The following PARD3 variants were observed in gnomAD, a reference collection of about 807,000 sequenced individuals.
The protein encoded by PARD3 is par-3 family cell polarity regulator.
A neutral mutation model predicts 155.4 loss-of-function variants in PARD3; 75 were observed. The ratio of observed to expected loss-of-function variants is 0.48; its 90% CI spans 0.40 to 0.58. The LOEUF (loss-of-function observed/expected upper bound fraction) is 0.58. PARD3 is among the 20% of genes least tolerant of loss of function. PARD3 has a pLI of 0.00. For missense variants in PARD3, 1,642 were observed against 1,721.7 expected, an observed-to-expected ratio of 0.95 and a Z score of 0.82; for synonymous variants, 576 against 610.5, an observed-to-expected ratio of 0.94 and a Z score of 0.83.
At chr10:34,211,555 A>G (rs68010167) in intron 22 of PARD3, among the ~76,000 whole-genome samples, 5,500 of 152,280 alleles carry the variant, frequency 0.036, 124 homozygotes, top group Non-Finnish European at 0.041. Flanking sequence ...GCCGAGGCAG[A>G]CGGATCACTT....
At chr10:34,509,240 T>C (rs2081264247) in intron 3 of PARD3, among the ~76,000 whole-genome samples, 1 of 152,132 alleles carries the variant, frequency 6.6e-6, no homozygotes, top group Admixed American at 6.6e-5. Flanking sequence ...TGCATCTACC[T>C]GGGAGCATGC....
intron 5 of PARD3, among the ~76,000 whole-genome samples, chr10:34,432,041 C>CAAAAAAAAAAAAAAAAAAA (rs142848273): frequency 2.8e-4 from 6 of 21,590 alleles, no homozygotes; most frequent in African/African-American, 4.9e-4. Context: ...GACTCTGTCT[C>CAAAAAAAAAAAAAAAAAAA]AAAAAAAAAA....
At chr10:34,614,226 G>A (rs1378077016) in intron 2 of PARD3, among the ~76,000 whole-genome samples, 1 of 152,194 alleles carries the variant, frequency 6.6e-6, no homozygotes, top group East Asian at 1.9e-4. Flanking sequence ...CGCTACATGG[G>A]ATGAAGGACT....
At chr10:34,246,644 C>T (rs943840615) in intron 22 of PARD3, among the ~76,000 whole-genome samples, 2 of 149,368 alleles carry the variant, frequency 1.3e-5, no homozygotes, top group Non-Finnish European at 1.5e-5. Flanking sequence ...AGGGAAAATC[C>T]TATAAGCCCA....
At chr10:34,795,576 C>T (rs1353026082) in intron 1 of PARD3, among the ~76,000 whole-genome samples, 1 of 152,068 alleles carries the variant, frequency 6.6e-6, no homozygotes, top group Non-Finnish European at 1.5e-5. Context: ...CACCACTGTA[C>T]TCCAGCCTGG....
chr10:34,374,932 T>C lies in PARD3; in HGVS notation c.1610A>G (p.Glu537Gly). ...VVSLLRSTKMEGTVSLLVFRQ... is the reference protein window; with the variant it reads ...VVSLLRSTKMGGTVSLLVFRQ... ...AAAGACCAGAAGGCTCACAGTTCCT[T>C]CCATCTTGGTGCTTCTCAACAGCGA... Residue 537 changes from glutamate to glycine, a missense_variant, in exon 11 of 25, where the codon GAA becomes GGA. Glu to Gly is a moderately conservative substitution (Grantham distance 98, BLOSUM62 -2). Coordinates refer to ENST00000374788, the MANE Select transcript of PARD3 (RefSeq NM_001184785.2). 1 of 1,613,920 alleles carries C rather than the reference T, an allele frequency of 6.2e-7. No individual in the cohort carries two copies. Among genetic ancestry groups the C allele is most frequent in the Non-Finnish European group, 8.5e-7 (1 of 1,179,852 alleles).
Position 34,110,563 on chromosome 10 carries a change from C to T in PARD3, c.*606G>A, listed in dbSNP as rs1050488305. On this transcript the variant is annotated 3_prime_UTR_variant, in exon 25 of 25. Coordinates refer to ENST00000374788, the MANE Select transcript of PARD3 (RefSeq NM_001184785.2). ...GTCATAAGGCAGTTACAAAAGGACC[C>T]CCATGGTGACCAAACAATGTTGGAC... is the stretch of plus-strand genomic sequence containing the variant. The T allele has an allele frequency of 6.6e-6, 1 of 152,146 alleles. No homozygotes were observed. The highest frequency in any genetic ancestry group is 1.5e-5 in the Non-Finnish European group (1 of 68,092). The allele number at this position is 152,146 out of a possible 1,614,324, so 9.4% of individuals were successfully genotyped here.
rs531182885 is a variant in PARD3, at chr10:34,765,409, G to C, written c.120+49467C>G. Among the ~76,000 whole-genome samples the C allele has an allele frequency of 2.0e-5, 3 of 152,114 alleles. No individual in the cohort carries two copies. In the South Asian group the frequency reaches 6.2e-4, roughly 32 times the overall value. ...TTGGGCTTCTTCGGCCAGGTGCAGT[G>C]GCTCACACCTGTAATCCCAGCACTT... is the stretch of plus-strand genomic sequence containing the variant. On this transcript the variant is annotated intron_variant, in intron 1 of 24. Coordinates refer to ENST00000374788, the MANE Select transcript of PARD3 (RefSeq NM_001184785.2).
intron 1 of PARD3, among the ~76,000 whole-genome samples, chr10:34,737,209 AGTCG>A (rs757836287): frequency 6.7e-6 from 1 of 148,894 alleles, no homozygotes. Context: ...TTGAGCAAAT[AGTCG>A]GTGAGGTCAA....
intron 20 of PARD3, among the ~76,000 whole-genome samples, chr10:34,290,056 G>A (rs1417945053): frequency 6.6e-6 from 1 of 152,074 alleles, no homozygotes; most frequent in Non-Finnish European, 1.5e-5. Flanking sequence ...AATTCTCTCT[G>A]CAGTATGAAT....
chr10:34,449,965 T>G (rs998552750), intron 5 of PARD3, among the ~76,000 whole-genome samples: 2 of 152,230 alleles, frequency 1.3e-5, no homozygotes, highest in Non-Finnish European at 2.9e-5. Flanking sequence ...TTCAGATCCT[T>G]GGACTTACTG....
At chr10:34,692,704 T>C (rs974946404) in intron 2 of PARD3, among the ~76,000 whole-genome samples, 3 of 151,964 alleles carry the variant, frequency 2.0e-5, no homozygotes, top group East Asian at 1.9e-4. Context: ...ACAAAACCCA[T>C]ATCTACTAAA....
At position 34,320,439 on chromosome 10, in the gene PARD3, T is replaced by C. The variant is rs146181467; in HGVS notation, c.2834-3101A>G. On this transcript the variant is annotated intron_variant, in intron 19 of 24. Transcript: ENST00000374788. ...AAATGAGCTCAATAAATGTAAATGATTTAGTCTTCCACAGCAACCATTATC... is the reference window on the plus strand; with the variant it reads ...AAATGAGCTCAATAAATGTAAATGACTTAGTCTTCCACAGCAACCATTATC... Among the ~76,000 whole-genome samples, 253 of 152,338 alleles carry C rather than the reference T, an allele frequency of 1.7e-3. 1 individual carries two copies. The highest frequency in any genetic ancestry group is 5.5e-3 in the African/African-American group (229 of 41,574).
chr10:34,583,375 T>C (rs1453196494), intron 2 of PARD3, among the ~76,000 whole-genome samples: 2 of 152,168 alleles, frequency 1.3e-5, no homozygotes, highest in Admixed American at 1.3e-4. Context: ...ACTCTAAGTG[T>C]TAGGATCAGA....
chr10:34,447,873 T>C (rs2076836292), intron 5 of PARD3, among the ~76,000 whole-genome samples: 1 of 151,922 alleles, frequency 6.6e-6, no homozygotes, highest in South Asian at 2.1e-4. Flanking sequence ...GAAACCCTGG[T>C]ATACTGCTGG....
intron 2 of PARD3, among the ~76,000 whole-genome samples, chr10:34,588,012 T>C (rs2088266595): frequency 6.6e-6 from 1 of 152,118 alleles, no homozygotes; most frequent in Non-Finnish European, 1.5e-5. Flanking sequence ...ATTACTAAGA[T>C]GAAGCAGGGA....
chr10:34,360,082 C>T lies in PARD3; in HGVS notation c.1885G>A (p.Ala629Thr). The T allele has an allele frequency of 1.2e-6, 2 of 1,613,420 alleles. No individual in the cohort carries two copies. The highest frequency in any genetic ancestry group is 1.7e-4 in the Middle Eastern group (1 of 6,060). Residue 629 changes from alanine to threonine, a missense_variant, in exon 13 of 25, where the codon GCA becomes ACA. Physicochemically the swap from Ala to Thr is moderately conservative, Grantham distance 58. Around this residue, in one of 3 missense-constraint regions of PARD3, gnomAD observed 1,529 missense variants for 1,587.3 expected, o/e 0.96. Coordinates refer to ENST00000374788, the MANE Select transcript of PARD3 (RefSeq NM_001184785.2). Reference sequence around the variant, plus strand: ...AAGTTGACACTCACTTTAGATGCTGCTCCTCCATTAATAATGGACTTGACA... The same window carrying T: ...AAGTTGACACTCACTTTAGATGCTGTTCCTCCATTAATAATGGACTTGACA... ...IFVKSIINGGAASKDGRLRVN... is the reference protein window; with the variant it reads ...IFVKSIINGGTASKDGRLRVN...
intron 2 of PARD3, among the ~76,000 whole-genome samples, chr10:34,536,288 T>C (rs1249003181): frequency 6.6e-6 from 1 of 152,240 alleles, no homozygotes; most frequent in East Asian, 1.9e-4. Context: ...TTAATGTTGT[T>C]ATATCTTCAA....
At chr10:34,241,785 T>C (rs1489977524) in intron 22 of PARD3, among the ~76,000 whole-genome samples, 1 of 152,108 alleles carries the variant, frequency 6.6e-6, no homozygotes, top group African/African-American at 2.4e-5. Flanking sequence ...CCAGAAGAAA[T>C]GGACCCAGAA....
Sources: gnomAD v4.1 joint callset for allele counts (sites outside exome capture counted in the v4.1 genomes callset) on GRCh38, gnomAD v4.1.1 for gene constraint, gnomAD v4.1.1 regional missense constraint, MANE v1.5 for transcripts, NCBI Gene and HGNC (gene_info 2026-07-23, HGNC 2026-07-21) for gene names.